Variants in C10orf90 observed in about 807,000 individuals in gnomAD.
C10orf90 encodes (E2-independent) E3 ubiquitin-conjugating enzyme FATS.
C10orf90 carries 56 observed loss-of-function variants against 62.5 expected under a neutral mutation model. The observed-to-expected ratio is 0.90, with a 90% confidence interval of 0.72 to 1.12. C10orf90 has a LOEUF of 1.12. Among genes scored for constraint, C10orf90 ranks in the 50% most tolerant of loss-of-function variants. The pLI is 0.00. For missense variants in C10orf90, 970 were observed against 880.4 expected (o/e 1.10, Z -1.29); for synonymous variants, 386 against 340.4 (o/e 1.13, Z -1.47).
At chr10:126,426,978 T>C (rs1038596165) in intron 8 of C10orf90, among the ~76,000 whole-genome samples, 3 of 152,232 alleles carry the variant, frequency 2.0e-5, no homozygotes, top group African/African-American at 7.2e-5. Context: ...AGGCATATCG[T>C]GTCCCACTGT....
At chr10:126,451,483 G>T (rs1300971538) in intron 7 of C10orf90, among the ~76,000 whole-genome samples, 5 of 152,084 alleles carry the variant, frequency 3.3e-5, no homozygotes, top group Non-Finnish European at 7.4e-5. Context: ...ATGTGTGTGT[G>T]TGCATGTGTG....
intron 2 of C10orf90, among the ~76,000 whole-genome samples, chr10:126,533,078 A>G (rs1040044363): frequency 4.0e-5 from 6 of 150,410 alleles, no homozygotes; most frequent in Non-Finnish European, 8.9e-5. Flanking sequence ...GACTACAGGA[A>G]CCCGCCACCA....
In C10orf90 at chr10:126,426,175, T is replaced by C; in HGVS notation, c.2253-85A>G. 3 of 1,085,310 alleles carry C rather than the reference T, an allele frequency of 2.8e-6. No homozygotes were observed. In the South Asian group the frequency reaches 3.9e-5, roughly 14 times the overall value. The allele number at this position is 1,085,310 out of a possible 1,614,324, so 67.2% of individuals were successfully genotyped here. ...GCTGCATCCTGTCTTGACGGCAGGC[T>C]CTTACATTTCAAAGAGAAGATCGCT... On this transcript the variant is annotated intron_variant, in intron 8 of 9. Coordinates refer to ENST00000488181, the MANE Select transcript of C10orf90 (RefSeq NM_001350921.2).
chr10:126,445,716 C>T (rs1277437154), intron 7 of C10orf90, among the ~76,000 whole-genome samples: 2 of 151,558 alleles, frequency 1.3e-5, no homozygotes, highest in African/African-American at 4.8e-5. Flanking sequence ...CTTGCACATG[C>T]ATGTTTATAG....
intron 4 of C10orf90, among the ~76,000 whole-genome samples, chr10:126,466,259 A>G (rs533225763): frequency 4.6e-5 from 7 of 152,020 alleles, no homozygotes; most frequent in Non-Finnish European, 1.0e-4. Flanking sequence ...AAGTTATAAG[A>G]ATATTCTTGC....
chr10:126,457,990 C>T (rs749480076), intron 7 of C10orf90, among the ~76,000 whole-genome samples: 19 of 152,084 alleles, frequency 1.2e-4, no homozygotes, highest in Non-Finnish European at 2.9e-5. Context: ...GGTGTCTTGT[C>T]AAATATTTAG....
chr10:126,557,478 T>TTAA (rs1864803803), intron 2 of C10orf90, among the ~76,000 whole-genome samples: 1 of 25,168 alleles, frequency 4.0e-5, no homozygotes, highest in Non-Finnish European at 1.1e-4. Context: ...AGACTCCATC[T>TTAA]CAAAAAAAAA....
At chr10:126,494,646 C>T (rs191505169) in intron 4 of C10orf90, among the ~76,000 whole-genome samples, 2 of 152,302 alleles carry the variant, frequency 1.3e-5, no homozygotes, top group African/African-American at 2.4e-5. Context: ...CGCCATGATG[C>T]GGTCCTTGCA....
intron 2 of C10orf90, among the ~76,000 whole-genome samples, chr10:126,519,920 G>A (rs1322364658): frequency 6.6e-6 from 1 of 152,096 alleles, no homozygotes; most frequent in African/African-American, 2.4e-5. Flanking sequence ...CTCAGAGGCC[G>A]GCTGCCTCCA....
At chr10:126,512,372 CTGTG>C (rs779390627) in intron 3 of C10orf90, among the ~76,000 whole-genome samples, 2 of 64,916 alleles carry the variant, frequency 3.1e-5, no homozygotes, top group Admixed American at 1.9e-4. Flanking sequence ...GTATGTGTGT[CTGTG>C]TGTGTGTGTC....
intron 7 of C10orf90, among the ~76,000 whole-genome samples, chr10:126,430,815 C>T (rs566312247): frequency 2.6e-5 from 4 of 152,180 alleles, no homozygotes; most frequent in Non-Finnish European, 5.9e-5. Flanking sequence ...TCCTCCAACC[C>T]AGGCCTGTCC....
intron 2 of C10orf90, among the ~76,000 whole-genome samples, chr10:126,631,339 C>T (rs893366753): frequency 5.3e-5 from 8 of 152,138 alleles, no homozygotes; most frequent in African/African-American, 1.9e-4. Context: ...TCCTTGAACA[C>T]ACCAGTCCCG....
intron 7 of C10orf90, among the ~76,000 whole-genome samples, chr10:126,431,705 A>C (rs138914679): frequency 3.9e-5 from 6 of 152,348 alleles, no homozygotes; most frequent in African/African-American, 1.4e-4. Flanking sequence ...GAGGAGATTA[A>C]AAACATTACC....
rs114968085 is a variant in C10orf90 at position 126,493,517 on chromosome 10, C to A, written c.1534+10440G>T. Among the ~76,000 whole-genome samples the A allele has an allele frequency of 2.0e-5, 3 of 152,016 alleles. No individual in the cohort carries two copies. In the South Asian group the frequency reaches 6.2e-4, roughly 32 times the overall value. ...CTGGGATTACAGGTGCCTGCCACCA[C>A]GCCTAGTTTTTGTATTTTTAGTAGA... On this transcript the variant is annotated intron_variant, in intron 4 of 9. Transcript: ENST00000488181.
At chr10:126,494,458 G>GA (rs1315051715) in intron 4 of C10orf90, among the ~76,000 whole-genome samples, 1 of 152,074 alleles carries the variant, frequency 6.6e-6, no homozygotes, top group Non-Finnish European at 1.5e-5. Flanking sequence ...CTCTGAGAAA[G>GA]AAAAACTAGA....
intron 2 of C10orf90, among the ~76,000 whole-genome samples, chr10:126,639,009 A>T (rs1181924679): frequency 6.6e-6 from 1 of 152,126 alleles, no homozygotes; most frequent in East Asian, 1.9e-4. Flanking sequence ...ACGCTGAGTA[A>T]CTCTTAGACA....
intron 2 of C10orf90, among the ~76,000 whole-genome samples, chr10:126,519,005 T>A (rs1863594404): frequency 6.6e-6 from 1 of 152,170 alleles, no homozygotes; most frequent in Non-Finnish European, 1.5e-5. Flanking sequence ...GGAGAGATGC[T>A]TTCTTTTTCC....
chr10:126,496,681 G>A (rs562447613), intron 4 of C10orf90: 77 of 985,160 alleles, frequency 7.8e-5, no homozygotes, highest in Admixed American at 2.5e-4. Context: ...GTCTTTCATC[G>A]CTCCTCACCC....
chr10:126,488,398 T>A (rs1861549701), intron 4 of C10orf90, among the ~76,000 whole-genome samples: 1 of 152,074 alleles, frequency 6.6e-6, no homozygotes, highest in African/African-American at 2.4e-5. Context: ...CAAATTAGTG[T>A]ATGAAAATGT....
Sources: gnomAD v4.1 joint callset for allele counts (sites outside exome capture counted in the v4.1 genomes callset) on GRCh38, gnomAD v4.1.1 for gene constraint, MANE v1.5 for transcripts, NCBI Gene and HGNC (gene_info 2026-07-23, HGNC 2026-07-21) for gene names.